Variants in TAF7L observed in about 807,000 individuals in gnomAD.
The protein encoded by TAF7L is TATA-box binding protein associated factor 7 like.
In TAF7L, 6 loss-of-function variants were observed where a neutral mutation model predicts 30.2. That is an observed-to-expected ratio of 0.20 (90% confidence interval 0.11 to 0.39). The LOEUF is 0.39. Among genes scored for constraint, TAF7L ranks in the 10% least tolerant of loss-of-function variants. The pLI is 1.00. For missense variants in TAF7L, 284 were observed against 277.1 expected (o/e 1.03, Z -0.18); for synonymous variants, 93 against 94.5 (o/e 0.98, Z 0.09).
At chrX:101,277,759 C>A in intron 8 of TAF7L, 40 bp from the exon 9 acceptor site, 1 of 957,338 alleles carries the variant, frequency 1.0e-6, no homozygotes, top group South Asian at 2.1e-5. Flanking sequence ...CAGAAGGAAA[C>A]AAAAAGGCAC....
In TAF7L at chrX:101,286,562, A is replaced by G. The variant is rs1229606911; in HGVS notation, c.145+13T>C. ...ATTGTTCAATGTATAGTGAATGGAT[A>G]TTAACTACTTACGCAATAAGTCAAT... is the stretch of plus-strand genomic sequence containing the variant. On this transcript the variant is annotated intron_variant, in intron 3 of 12. Transcript: ENST00000356784. 1 of 1,158,505 alleles carries G rather than the reference A, an allele frequency of 8.6e-7. No individual in the cohort carries two copies. The highest frequency in any genetic ancestry group is 1.2e-6 in the Non-Finnish European group (1 of 849,343).
At position 101,268,517 on chromosome X, in the gene TAF7L, A is replaced by G. The variant is rs1923865466; in HGVS notation, c.*676T>C. ...AGCTCCATCCTAAAAACAACAGAAC[A>G]TAAGCAGCAGCAAGGAATCATCCTT... is the stretch of plus-strand genomic sequence containing the variant. On this transcript the variant is annotated 3_prime_UTR_variant, in exon 13 of 13. Transcript: ENST00000356784. 8.9e-6 allele frequency: 1 copy of G among 111,869 alleles called. No individual in the cohort carries two copies. Among genetic ancestry groups the G allele is most frequent in the African/African-American group, 3.2e-5 (1 of 30,780 alleles). 9.2% of individuals were successfully genotyped at this position (111,869 alleles called of 1,213,427 possible).
chrX:101,273,813 G>A (rs779995583), intron 12 of TAF7L, among the ~76,000 whole-genome samples: 14 of 111,257 alleles, frequency 1.3e-4, no homozygotes, highest in African/African-American at 4.2e-4. Context: ...ATGAGACCTT[G>A]CATACGCTCC....
chrX:101,292,217 C>A (rs1434627121), upstream of TAF7L, among the ~76,000 whole-genome samples: 2 of 86,734 alleles, frequency 2.3e-5, no homozygotes, highest in African/African-American at 9.3e-5. Context: ...CCAGCCTGGG[C>A]GACAGAGCGA....
chrX:101,278,224 G>A (rs1254762449), intron 7 of TAF7L, 103 bp from the exon 8 acceptor site: 5 of 593,440 alleles, frequency 8.4e-6, no homozygotes, highest in Non-Finnish European at 1.4e-5. Context: ...CAAATGTTAG[G>A]CCTCTTTAAA....
chrX:101,274,453 CG>C (rs1280940661), intron 12 of TAF7L, among the ~76,000 whole-genome samples: 2 of 111,324 alleles, frequency 1.8e-5, no homozygotes, highest in Non-Finnish European at 3.8e-5. Flanking sequence ...GCAATCCTCT[CG>C]CGTCGGCCTC....
Position 101,283,551 on chromosome X carries a change from C to G in TAF7L, c.178G>C (p.Asp60His), listed in dbSNP as rs759043342. Residue 60 changes from aspartate (D) to histidine (H), a missense_variant, in exon 4 of 13, where the codon GAT becomes CAT. Coordinates refer to ENST00000356784, the MANE Select transcript of TAF7L (RefSeq NM_001168474.2). The stretch of plus-strand genomic sequence containing the variant: ...ACCAGCTTAGCAGCTAGTGGGACAT[C>G]TTCTACTTCAACAACTGCATGGCGC... ...DGRHAVVEVE[D>H]VPLAAKLVDL... is the part of the protein sequence containing the mutation. 1 of 1,211,590 alleles carries G rather than the reference C, an allele frequency of 8.3e-7. No homozygotes were observed. Among genetic ancestry groups the G allele is most frequent in the Non-Finnish European group, 1.1e-6 (1 of 895,343 alleles).
At chrX:101,283,649 A>AT in intron 3 of TAF7L, 66 bp from the exon 4 acceptor site, 1 of 1,132,805 alleles carries the variant, frequency 8.8e-7, no homozygotes, top group South Asian at 1.9e-5. Flanking sequence ...TAAGGTTTGA[A>AT]TAATGAAGAC....
chrX:101,283,445 C>T lies in TAF7L; in HGVS notation c.279+5G>A, dbSNP rs776462201. On this transcript the variant is annotated splice_donor_5th_base_variant and intron_variant, in intron 4 of 12. Transcript: ENST00000356784. ...GTGAGGCTAGTAAAGAAAACTAGTC[C>T]ATACCTGAGAAATGTCTGCTGTTTT... 8.3e-7 allele frequency: 1 copy of T among 1,208,381 alleles called. No homozygotes were observed. Among genetic ancestry groups the T allele is most frequent in the South Asian group, 1.8e-5 (1 of 56,279 alleles).
chrX:101,275,240 T>G lies in TAF7L; in HGVS notation c.1068A>C (p.Glu356Asp). The G allele has an allele frequency of 8.4e-7, 1 of 1,192,172 alleles. No individual in the cohort carries two copies. The highest frequency in any genetic ancestry group is 1.1e-6 in the Non-Finnish European group (1 of 885,202). ...TTCTTACCTTCTCATTTTTTTGTTT[T>G]TCCTGTAACTCAAGCTGCTCCAGCA... Reference protein sequence around the residue: ...QSVLEQLELQEKQKNEKLISL... With the variant: ...QSVLEQLELQDKQKNEKLISL... The change falls in exon 12 of 13, where the codon GAA becomes GAC. Residue 356 changes from glutamate (E) to aspartate (D), a missense_variant. Coordinates refer to ENST00000356784, the MANE Select transcript of TAF7L (RefSeq NM_001168474.2).
intron 1 of TAF7L, among the ~76,000 whole-genome samples, chrX:101,289,932 C>G (rs1250243581): frequency 1.8e-5 from 2 of 110,074 alleles, no homozygotes; most frequent in Non-Finnish European, 3.8e-5. Context: ...GGTGGAAAGA[C>G]AGCTGGGCGC....
rs143297504 is a variant in TAF7L, at chrX:101,278,120, T to C, written c.506A>G (p.Tyr169Cys). Residue 169 changes from tyrosine (Y) to cysteine (C), a missense_variant and splice_region_variant, in exon 8 of 13, where the codon TAC becomes TGC. By Grantham distance (194) the Tyr-to-Cys change is radical. Transcript: ENST00000356784. ...ATTTTCCACGTCTGGAGATTCAATG[T>C]ACTGAAGCAAAGTTGGGGATTAGAG... is the stretch of plus-strand genomic sequence containing the variant. ...KEMEKSSFTE[Y>C]IESPDVENEV... is the part of the protein sequence containing the mutation. 2.0e-5 allele frequency: 24 copies of C among 1,206,095 alleles called. No individual in the cohort carries two copies. The highest frequency in any genetic ancestry group is 8.7e-5 in the Admixed American group (4 of 45,728).
intron 7 of TAF7L, 24 bp downstream of exon 7, chrX:101,278,970 G>GAAGTTATAT (rs1469311557): frequency 1.7e-6 from 2 of 1,176,074 alleles, no homozygotes; most frequent in Non-Finnish European, 2.3e-6. Flanking sequence ...GGGTAAAAAT[G>GAAGTTATAT]AAGTTATATT....
intron 1 of TAF7L, among the ~76,000 whole-genome samples, chrX:101,290,370 A>T (rs754577907): frequency 5.6e-4 from 63 of 112,169 alleles, no homozygotes; most frequent in Non-Finnish European, 9.9e-4. Context: ...ATGTAAATGC[A>T]AGAAGAGAGT....
chrX:101,277,646 G>A lies in TAF7L; in HGVS notation c.651C>T (p.Ser217=). 8.3e-7 allele frequency: 1 copy of A among 1,203,996 alleles called. No homozygotes were observed. The highest frequency in any genetic ancestry group is 1.8e-5 in the African/African-American group (1 of 56,950). The part of the protein sequence containing the change: ...SQGSIPGFLI[S]SGMSSHKQGH... ...CCTGCTTGTGGCTGCTCATTCCCGA[G>A]GATATCAAAAATCCTGGGATGGAGC... The change falls in exon 9 of 13, where the codon TCC becomes TCT. Residue 217 remains serine, a synonymous_variant. Transcript: ENST00000356784.
At chrX:101,281,114 TAC>T (rs1924395204) in intron 6 of TAF7L, among the ~76,000 whole-genome samples, 1 of 111,596 alleles carries the variant, frequency 9.0e-6, no homozygotes, top group Non-Finnish European at 1.9e-5. Context: ...TGCACAAAAA[TAC>T]ACGAGTACAA....
upstream of TAF7L, among the ~76,000 whole-genome samples, chrX:101,291,820 T>C (rs1168246889): frequency 1.2e-4 from 11 of 93,525 alleles, no homozygotes; most frequent in Middle Eastern, 7.0e-3. Context: ...GAGCCGAGAT[T>C]GCGCCACTGC....
chrX:101,270,251 C>T (rs765304031), intron 12 of TAF7L, among the ~76,000 whole-genome samples: 1 of 111,908 alleles, frequency 8.9e-6, no homozygotes, highest in South Asian at 3.8e-4. Flanking sequence ...TTTCAGGACA[C>T]TCCATACCAG....
Position 101,276,492 on chromosome X carries a change from C to G in TAF7L, c.728G>C (p.Arg243Thr). 1 of 1,210,210 alleles carries G rather than the reference C, an allele frequency of 8.3e-7. No individual in the cohort carries two copies. Residue 243 changes from arginine (R) to threonine (T), a missense_variant, in exon 10 of 13, where the codon AGA (arginine) becomes ACA (threonine). Transcript: ENST00000356784. Reference sequence around the variant, plus strand: ...ATCCTCATCATCATCATTGTTACTTCTAGAATCACTGAACATCTCCCGAAG... The same window carrying G: ...ATCCTCATCATCATCATTGTTACTTGTAGAATCACTGAACATCTCCCGAAG... ...DMLREMFSDSRSNNDDDEDED... is the reference protein window; with the variant it reads ...DMLREMFSDSTSNNDDDEDED...
Sources: allele counts gnomAD v4.1 joint callset (sites outside exome capture counted in the v4.1 genomes callset), GRCh38; gene constraint gnomAD v4.1.1; transcripts MANE v1.5; gene names NCBI Gene and HGNC (gene_info 2026-07-23, HGNC 2026-07-21).